Variants in TMCO5A observed in about 807,000 individuals in gnomAD.
TMCO5A encodes the protein transmembrane and coiled-coil domain-containing protein 5A.
Under a neutral mutation model 42.3 loss-of-function variants are expected in TMCO5A, and 34 were observed. The ratio of observed to expected loss-of-function variants is 0.80; its 90% CI spans 0.61 to 1.07. TMCO5A has a LOEUF of 1.07. Ranked by LOEUF, TMCO5A falls within the 50% of genes least tolerant of loss-of-function variation. The pLI is 0.00. For synonymous variants in TMCO5A, 131 were observed against 115.6 expected (o/e 1.13, Z -0.86); for missense variants, 357 against 327.9 (o/e 1.09, Z -0.69).
chr15:37,940,066 C>G (rs1435640515), intron 6 of TMCO5A, among the ~76,000 whole-genome samples: 1 of 152,118 alleles, frequency 6.6e-6, no homozygotes, highest in Non-Finnish European at 1.5e-5. Flanking sequence ...ACCATAACCC[C>G]TTACCTGGAC....
chr15:37,938,200 A>C lies in TMCO5A; in HGVS notation c.358A>C (p.Ser120Arg). 1.3e-6 allele frequency: 2 copies of C among 1,582,510 alleles called. No homozygotes were observed. Among genetic ancestry groups the C allele is most frequent in the Non-Finnish European group, 1.7e-6 (2 of 1,162,982 alleles). The change falls in exon 6 of 12, where the codon AGT becomes CGT. Residue 120 changes from serine (S) to arginine (R), a missense_variant. By Grantham distance (110) the Ser-to-Arg change is moderately radical. Coordinates refer to ENST00000319669, the MANE Select transcript of TMCO5A (RefSeq NM_152453.4). ...SQKITNCEQS[S>R]PDGALEETKV... ...AAAGATAACCAATTGTGAACAAAGC[A>C]GTCCAGATGGAGCCCTAGAAGAGAC...
chr15:37,983,264 T>C, the TMCO5A span, among the ~76,000 whole-genome samples: 1 of 152,352 alleles, frequency 6.6e-6, no homozygotes, highest in South Asian at 2.1e-4. Context: ...ATGTGCATCA[T>C]TGTTTTACAC....
chr15:37,983,724 T>A, the TMCO5A span, among the ~76,000 whole-genome samples: 755 of 146,782 alleles, frequency 5.1e-3, 9 homozygotes, highest in African/African-American at 0.02. Context: ...TTACTGTTTT[T>A]TTTTTTGTTT....
Position 37,936,913 on chromosome 15 carries a change from C to T in TMCO5A, c.207C>T (p.Arg69=). The change falls in exon 4 of 12, where the codon CGC becomes CGT. Residue 69 remains arginine, a synonymous_variant. Transcript: ENST00000319669. ...ATGAAGAGTGGGAGAAGGAGAACCG[C>T]ACCACGATGGAAAGGGAAAGAGCCT... is the stretch of plus-strand genomic sequence containing the variant. ...VEDEEWEKEN[R]TTMERERALQ... The T allele has an allele frequency of 6.2e-7, 1 of 1,612,590 alleles. No individual in the cohort carries two copies. Among genetic ancestry groups the T allele is most frequent in the Non-Finnish European group, 8.5e-7 (1 of 1,179,164 alleles).
downstream of TMCO5A, among the ~76,000 whole-genome samples, chr15:37,955,515 T>C (rs1416755449): frequency 6.6e-6 from 1 of 152,026 alleles, no homozygotes; most frequent in Non-Finnish European, 1.5e-5. Flanking sequence ...CACATAATGG[T>C]AAAGGGATCA....
At chr15:38,033,845 C>T in the TMCO5A span, among the ~76,000 whole-genome samples, 5 of 152,110 alleles carry the variant, frequency 3.3e-5, no homozygotes, top group African/African-American at 1.2e-4. Flanking sequence ...AACTCCTGAC[C>T]TCAAGTGATC....
At chr15:37,956,892 A>G (rs1042864978) in intron 11 of TMCO5A, among the ~76,000 whole-genome samples, 15 of 152,184 alleles carry the variant, frequency 9.9e-5, no homozygotes, top group Non-Finnish European at 1.8e-4. Context: ...CTTGTCCACT[A>G]CGATCAAGTT....
chr15:38,039,657 G>A, the TMCO5A span, among the ~76,000 whole-genome samples: 1 of 152,178 alleles, frequency 6.6e-6, no homozygotes, highest in African/African-American at 2.4e-5. Flanking sequence ...TTCCATGGCA[G>A]TTTATCTTTT....
the TMCO5A span, among the ~76,000 whole-genome samples, chr15:37,974,199 C>T: frequency 5.9e-5 from 9 of 152,168 alleles, no homozygotes; most frequent in South Asian, 6.2e-4. Context: ...CTATGTTTAT[C>T]GAGAATATTC....
chr15:37,974,535 T>C, the TMCO5A span, among the ~76,000 whole-genome samples: 2 of 152,162 alleles, frequency 1.3e-5, no homozygotes, highest in Non-Finnish European at 1.5e-5. Context: ...TTTCTAGTTT[T>C]TGTGCTTAAA....
At chr15:38,032,874 G>A in the TMCO5A span, among the ~76,000 whole-genome samples, 1 of 150,804 alleles carries the variant, frequency 6.6e-6, no homozygotes, top group South Asian at 2.1e-4. Context: ...TTAAAGAGCT[G>A]TAATAGTGGA....
At chr15:37,938,407 T>C (rs1022035858) in intron 6 of TMCO5A, among the ~76,000 whole-genome samples, 178 bp downstream of exon 6, 3 of 152,074 alleles carry the variant, frequency 2.0e-5, no homozygotes, top group Non-Finnish European at 4.4e-5. Context: ...GGAATGTCAC[T>C]TTTTAGTCTT....
intron 11 of TMCO5A, among the ~76,000 whole-genome samples, chr15:37,963,586 T>C (rs963015391): frequency 3.3e-5 from 5 of 152,178 alleles, no homozygotes; most frequent in African/African-American, 4.8e-5. Context: ...CAAGATATAG[T>C]TTAAATCCAT....
the TMCO5A span, among the ~76,000 whole-genome samples, chr15:38,032,013 T>G: frequency 6.6e-6 from 1 of 151,712 alleles, no homozygotes; most frequent in African/African-American, 2.4e-5. Flanking sequence ...TGGAGTGCAA[T>G]GGTATGATCT....
In TMCO5A at chr15:37,936,900, A is replaced by T. The variant is rs778368891; in HGVS notation, c.194A>T (p.Glu65Val). ...TRGLVEDEEW[E>V]KENRTTMERE... ...GGCCTGGTGGAAGATGAAGAGTGGG[A>T]GAAGGAGAACCGCACCACGATGGAA... Residue 65 changes from glutamate to valine, a missense_variant, in exon 4 of 12, where the codon GAG becomes GTG. Physicochemically the swap from Glu to Val is moderately radical, Grantham distance 121. Coordinates refer to ENST00000319669, the MANE Select transcript of TMCO5A (RefSeq NM_152453.4). 4 of 1,612,594 alleles carry T rather than the reference A, an allele frequency of 2.5e-6. No individual in the cohort carries two copies. In the East Asian group the frequency reaches 8.9e-5, roughly 36 times the overall value.
Position 37,951,176 on chromosome 15 carries a change from T to G in TMCO5A, c.809T>G (p.Leu270Arg). The G allele has an allele frequency of 6.2e-7, 1 of 1,613,876 alleles. No homozygotes were observed. The highest frequency in any genetic ancestry group is 1.3e-5 in the African/African-American group (1 of 75,032). Residue 270 changes from leucine to arginine, a missense_variant, in exon 12 of 12, where the codon CTC becomes CGC. Leu to Arg is a moderately radical substitution (Grantham distance 102, BLOSUM62 -2). Transcript: ENST00000319669. ...KVLGRSTLWK[L>R]RCFFFPSLTL... The stretch of plus-strand genomic sequence containing the variant: ...CTGGGCAGGAGCACCTTGTGGAAGC[T>G]CAGATGCTTCTTCTTTCCATCTCTC...
At chr15:38,014,338 C>A in the TMCO5A span, among the ~76,000 whole-genome samples, 7 of 152,244 alleles carry the variant, frequency 4.6e-5, no homozygotes, top group Admixed American at 3.9e-4. Flanking sequence ...CCTGCTCTGA[C>A]CCTGGCTTTC....
chr15:37,954,110 T>A (rs1318540633), downstream of TMCO5A, among the ~76,000 whole-genome samples: 1 of 151,974 alleles, frequency 6.6e-6, no homozygotes, highest in Admixed American at 6.6e-5. Flanking sequence ...TTACTGGCCT[T>A]AAAGGGGAGA....
the TMCO5A span, among the ~76,000 whole-genome samples, chr15:38,012,110 C>A: frequency 6.7e-6 from 1 of 149,612 alleles, no homozygotes; most frequent in East Asian, 1.9e-4. Context: ...GGTGACAGAG[C>A]GAGACTCCGT....
Sources: gnomAD v4.1 joint callset for allele counts (sites outside exome capture counted in the v4.1 genomes callset) on GRCh38, gnomAD v4.1.1 for gene constraint, MANE v1.5 for transcripts, NCBI Gene and HGNC (gene_info 2026-07-23, HGNC 2026-07-21) for gene names.